TBC1D9B: variants seen among roughly 807,000 people sequenced by gnomAD.
The protein encoded by TBC1D9B is TBC1 domain family, member 9B (with GRAM domain).
TBC1D9B carries 87 observed loss-of-function variants against 121.1 expected under a neutral mutation model. That is an observed-to-expected ratio of 0.72 (90% CI 0.60 to 0.86). The LOEUF (loss-of-function observed/expected upper bound fraction) is 0.86. TBC1D9B is among the 40% of genes least tolerant of loss of function. The pLI is 0.00. For synonymous variants in TBC1D9B, 668 were observed against 670.1 expected, an observed-to-expected ratio of 1.00 and a Z score of 0.05; for missense variants, 1,540 against 1,628.6, an observed-to-expected ratio of 0.95 and a Z score of 0.94.
Position 179,894,470 on chromosome 5 carries a change from A to C in TBC1D9B, c.493T>G (p.Trp165Gly), listed in dbSNP as rs1304555679. The change falls in exon 4 of 21, where the codon TGG (tryptophan) becomes GGG (glycine). Residue 165 changes from tryptophan (W) to glycine (G), a missense_variant. Transcript: ENST00000355235. ...KLVNYYSCSYWKGRVPRQGWL... is the reference protein window; with the variant it reads ...KLVNYYSCSYGKGRVPRQGWL... ...CCCTGCCGGGGCACGCGGCCCTTCC[A>C]GTAGCTGCAGGAGTAGTAATTCACC... 1 of 1,614,052 alleles carries C rather than the reference A, an allele frequency of 6.2e-7. No individual in the cohort carries two copies. Among genetic ancestry groups the C allele is most frequent in the African/African-American group, 1.3e-5 (1 of 74,922 alleles).
At chr5:179,905,430 C>A (rs79772620) in intron 1 of TBC1D9B, among the ~76,000 whole-genome samples, 5,221 of 151,952 alleles carry the variant, frequency 0.034, 319 homozygotes, top group African/African-American at 0.12. Flanking sequence ...AAGGAAGTTT[C>A]TTTTAGCCTC....
intron 13 of TBC1D9B, 60 bp from the exon 14 acceptor site, chr5:179,873,050 G>A: frequency 6.2e-7 from 1 of 1,613,436 alleles, no homozygotes. Flanking sequence ...GCCACCACCT[G>A]CCCATAGCCA....
intron 7 of TBC1D9B, among the ~76,000 whole-genome samples, chr5:179,881,079 G>A (rs1287870287): frequency 6.6e-6 from 1 of 152,114 alleles, no homozygotes; most frequent in African/African-American, 2.4e-5. Flanking sequence ...CCAGACCGCC[G>A]GGTGTGTGGC....
chr5:179,895,467 AG>A (rs1760993583), intron 3 of TBC1D9B, among the ~76,000 whole-genome samples: 3 of 152,092 alleles, frequency 2.0e-5, no homozygotes, highest in African/African-American at 7.2e-5. Context: ...CCTGTATGCC[AG>A]GGGGCTCCTG....
intron 7 of TBC1D9B, among the ~76,000 whole-genome samples, chr5:179,883,403 T>C (rs915283934): frequency 6.6e-6 from 1 of 152,204 alleles, no homozygotes; most frequent in Admixed American, 6.5e-5. Flanking sequence ...AACTTCTTTA[T>C]CCCTTCTCTG....
At position 179,902,062 on chromosome 5, in the gene TBC1D9B, CA is replaced by C. The variant is rs921447944; in HGVS notation, c.229+2639del. Among the ~76,000 whole-genome samples, 2 of 152,030 alleles carry C rather than the reference CA, an allele frequency of 1.3e-5. No homozygotes were observed. The highest frequency in any genetic ancestry group is 4.8e-5 in the African/African-American group (2 of 41,274). On this transcript the variant is annotated intron_variant, in intron 2 of 20. Transcript: ENST00000355235. The surrounding 1 kb of genome is among the most constrained non-coding windows in gnomAD (Gnocchi z 4.9). ...CAAGGTCACACAGCTGGGAAGTGATCAAATCAGAATCCTAACCCTGGGTGCC... is the reference window on the plus strand; with the variant it reads ...CAAGGTCACACAGCTGGGAAGTGATCAATCAGAATCCTAACCCTGGGTGCC...
chr5:179,871,576 T>G, intron 14 of TBC1D9B, 46 bp from the exon 15 acceptor site: 6 of 1,592,636 alleles, frequency 3.8e-6, no homozygotes, highest in Non-Finnish European at 4.3e-6. Context: ...CACAAGCTCC[T>G]GGCACAGAAG....
chr5:179,886,270 A>G (rs1760681728), intron 7 of TBC1D9B, among the ~76,000 whole-genome samples: 6 of 152,124 alleles, frequency 3.9e-5, no homozygotes, highest in Admixed American at 3.3e-4. Flanking sequence ...GTGAACAGGC[A>G]CTCTGTCCGA....
In TBC1D9B at chr5:179,894,516, C is replaced by G; in HGVS notation, c.447G>C (p.Gly149=). Reference sequence around the variant, plus strand: ...TCACCAGCTTCTCGCCCTCAGGCATCCCAAACTGCTTCCGCATCTTCAGCT... The same window carrying G: ...TCACCAGCTTCTCGCCCTCAGGCATGCCAAACTGCTTCCGCATCTTCAGCT... ...EAELKMRKQF[G]MPEGEKLVNY... is the part of the protein sequence containing the mutation. Residue 149 remains glycine, a synonymous_variant, in exon 4 of 21, where the codon GGG becomes GGC. Coordinates refer to ENST00000355235, the MANE Select transcript of TBC1D9B (RefSeq NM_015043.4). 17 of 1,614,234 alleles carry G rather than the reference C, an allele frequency of 1.1e-5. No individual in the cohort carries two copies. Among genetic ancestry groups the G allele is most frequent in the Non-Finnish European group, 1.4e-5 (17 of 1,180,026 alleles).
intron 7 of TBC1D9B, among the ~76,000 whole-genome samples, chr5:179,882,923 C>A (rs1183403087): frequency 6.6e-6 from 1 of 152,168 alleles, no homozygotes; most frequent in African/African-American, 2.4e-5. Flanking sequence ...AGGATCGTGG[C>A]CCATTGCAAC....
Position 179,907,183 on chromosome 5 carries a change from G to C in TBC1D9B, c.118+521C>G, listed in dbSNP as rs1293331858. Among the ~76,000 whole-genome samples the C allele has an allele frequency of 6.6e-6, 1 of 152,198 alleles. No individual in the cohort carries two copies. The highest frequency in any genetic ancestry group is 6.5e-5 in the Admixed American group (1 of 15,292). On this transcript the variant is annotated intron_variant, in intron 1 of 20. Transcript: ENST00000355235. This position sits in a 1 kb window ranked among gnomAD's most constrained non-coding sequence, Gnocchi z 5.3. ...AGGAAAGGTGGGGGAGGAGAAGCTGGGGGAATGGGGGTGCGGCCAGCTCCA... is the reference window on the plus strand; with the variant it reads ...AGGAAAGGTGGGGGAGGAGAAGCTGCGGGAATGGGGGTGCGGCCAGCTCCA...
At chr5:179,883,434 T>C (rs573133518) in intron 7 of TBC1D9B, among the ~76,000 whole-genome samples, 1 of 152,302 alleles carries the variant, frequency 6.6e-6, no homozygotes, top group African/African-American at 2.4e-5. Flanking sequence ...TCTCTATTTG[T>C]TTGAGTCTCC....
intron 4 of TBC1D9B, 112 bp from the exon 5 acceptor site, chr5:179,893,579 T>C: frequency 4.3e-6 from 6 of 1,396,844 alleles, no homozygotes; most frequent in Non-Finnish European, 5.7e-6. Flanking sequence ...GGGGCAGCAC[T>C]TCCTGTGTGC....
At chr5:179,873,293 G>A (rs1392935148) in intron 12 of TBC1D9B, 45 bp from the exon 13 acceptor site, 1 of 1,519,218 alleles carries the variant, frequency 6.6e-7, no homozygotes. Context: ...CCCAGGCAGA[G>A]GGAGCCTCCT....
intron 17 of TBC1D9B, 190 bp downstream of exon 17, chr5:179,869,579 G>A: frequency 1.4e-6 from 1 of 713,038 alleles, no homozygotes; most frequent in Non-Finnish European, 2.5e-6. Flanking sequence ...CCCTTCCCAG[G>A]CCAAGGCCCT....
Position 179,893,438 on chromosome 5 carries a change from T to G in TBC1D9B, c.607A>C (p.Thr203Pro). The G allele has an allele frequency of 6.2e-7, 1 of 1,611,622 alleles. No homozygotes were observed. Among genetic ancestry groups the G allele is most frequent in the Non-Finnish European group, 8.5e-7 (1 of 1,178,308 alleles). The change falls in exon 5 of 21, where the codon ACG becomes CCG. Residue 203 changes from threonine (T) to proline (P), a missense_variant. Coordinates refer to ENST00000355235, the MANE Select transcript of TBC1D9B (RefSeq NM_015043.4). The part of the protein sequence containing the change: ...VSLVVQWVDI[T>P]RLEKNATLLF... ...AGGGTGGCGTTCTTCTCCAGACGCG[T>G]TATGTCCACCCACTGCACCACGAGG...
rs142596935 is a variant in TBC1D9B at position 179,893,645 on chromosome 5, G to A, written c.578-178C>T. Among the ~76,000 whole-genome samples the A allele has an allele frequency of 4.9e-3, 739 of 152,232 alleles. 3 individuals are homozygous for A. The highest frequency in any genetic ancestry group is 0.016 in the African/African-American group (685 of 41,540). ...CATGTGGAGGGACCAGGCCACTGAG[G>A]TGTCCACTGCCTTCCAGACCAACCA... On this transcript the variant is annotated intron_variant, in intron 4 of 20. Coordinates refer to ENST00000355235, the MANE Select transcript of TBC1D9B (RefSeq NM_015043.4).
At chr5:179,872,834 G>T in intron 14 of TBC1D9B, 58 bp downstream of exon 14, 1 of 1,559,114 alleles carries the variant, frequency 6.4e-7, no homozygotes. Flanking sequence ...CTGCTCTGTG[G>T]GGAAGGCACT....
At position 179,879,783 on chromosome 5, in the gene TBC1D9B, G is replaced by C; in HGVS notation, c.1261C>G (p.Pro421Ala). 2 of 1,609,616 alleles carry C rather than the reference G, an allele frequency of 1.2e-6. No individual in the cohort carries two copies. Among genetic ancestry groups the C allele is most frequent in the Non-Finnish European group, 1.7e-6 (2 of 1,178,006 alleles). Residue 421 changes from proline (P) to alanine (A), a missense_variant, in exon 8 of 21, where the codon CCA becomes GCA. Pro to Ala is a conservative substitution (Grantham distance 27, BLOSUM62 -1). Coordinates refer to ENST00000355235, the MANE Select transcript of TBC1D9B (RefSeq NM_015043.4). ...SVVDPSTESS[P>A]APQEGSEQPA... ...TGCTCCGACCCCTCCTGAGGAGCTG[G>C]GGAAGACTAGAAAATAAAACAGGGA... is the stretch of plus-strand genomic sequence containing the variant.
Sources: gnomAD v4.1 joint callset for allele counts (sites outside exome capture counted in the v4.1 genomes callset) on GRCh38, gnomAD v4.1.1 for gene constraint, Gnocchi (gnomAD v3.1) non-coding constraint, MANE v1.5 for transcripts, NCBI Gene and HGNC (gene_info 2026-07-23, HGNC 2026-07-21) for gene names.